Variants in ALMS1 observed in about 807,000 individuals in gnomAD.
ALMS1 encodes centrosome-associated protein ALMS1.
ALMS1 carries 271 observed loss-of-function variants against 352.2 expected under a neutral mutation model. The observed-to-expected ratio is 0.77, with a 90% CI of 0.70 to 0.85. The LOEUF is 0.85. Among genes scored for constraint, ALMS1 ranks in the 40% least tolerant of loss-of-function variants. The pLI is 0.00. For synonymous variants in ALMS1, 1,865 were observed against 1,761.2 expected (o/e 1.06, Z -1.48); for missense variants, 5,445 against 4,870.7 (o/e 1.12, Z -3.51).
In ALMS1 at chr2:73,448,501, G is replaced by A. The variant is rs1572931765; in HGVS notation, c.1974G>A (p.Lys658=). The change falls in exon 8 of 23, where the codon AAG becomes AAA. Residue 658 remains lysine, a synonymous_variant. Transcript: ENST00000613296. ...CTGCTCCTGGCCCAGTGGAGCAGAA[G>A]ACGGGAATACCTACAGTATCCTCTA... ...VSAAPGPVEQ[K]TGIPTVSSTS... 1.2e-6 allele frequency: 2 copies of A among 1,613,990 alleles called. No homozygotes were observed. Among genetic ancestry groups the A allele is most frequent in the Non-Finnish European group, 1.7e-6 (2 of 1,179,942 alleles).
chr2:73,592,026 G>C (rs931272631), intron 16 of ALMS1, among the ~76,000 whole-genome samples: 28 of 152,066 alleles, frequency 1.8e-4, no homozygotes, highest in African/African-American at 6.5e-4. Context: ...TAGTTGTAAT[G>C]ATCATTGACT....
chr2:73,596,108 A>G (rs1675541008), intron 16 of ALMS1, among the ~76,000 whole-genome samples: 1 of 152,228 alleles, frequency 6.6e-6, no homozygotes, highest in Non-Finnish European at 1.5e-5. Flanking sequence ...TACAGTAATG[A>G]TGAAGTCCCA....
At chr2:73,481,355 T>C (rs1342396087) in intron 9 of ALMS1, among the ~76,000 whole-genome samples, 3 of 152,164 alleles carry the variant, frequency 2.0e-5, no homozygotes, top group African/African-American at 7.2e-5. Flanking sequence ...ATTGCTTGTT[T>C]TTCTCAGGTT....
rs1573045480 is a variant in ALMS1, at chr2:73,591,029, CA to C, written c.11548-8369del. ...CTTGCTATGTTGCCCAGGCTGATCTCAAACTCCTGGCCTCAACCAATCTTCC... is the reference window on the plus strand; with the variant it reads ...CTTGCTATGTTGCCCAGGCTGATCTCAACTCCTGGCCTCAACCAATCTTCC... On this transcript the variant is annotated intron_variant, in intron 16 of 22. Coordinates refer to ENST00000613296, the MANE Select transcript of ALMS1 (RefSeq NM_001378454.1). Among the ~76,000 whole-genome samples, 3 of 152,114 alleles carry C rather than the reference CA, an allele frequency of 2.0e-5. No individual in the cohort carries two copies. The East Asian group carries it at 5.8e-4, about 29-fold the overall frequency.
At position 73,450,029 on chromosome 2, in the gene ALMS1, G is replaced by T; in HGVS notation, c.3502G>T (p.Ala1168Ser). ...GCCAGGTACTCATATACCTGAAGAG[G>T]CTCAGAAAGTTTCAGCTGTTACTGG... ...ALPGTHIPEE[A>S]QKVSAVTGPG... The change falls in exon 8 of 23, where the codon GCT becomes TCT. Residue 1168 changes from alanine (A) to serine (S), a missense_variant. Coordinates refer to ENST00000613296, the MANE Select transcript of ALMS1 (RefSeq NM_001378454.1). 6.2e-7 allele frequency: 1 copy of T among 1,613,722 alleles called. No homozygotes were observed. Among genetic ancestry groups the T allele is most frequent in the African/African-American group, 1.3e-5 (1 of 74,882 alleles).
At position 73,448,281 on chromosome 2, in the gene ALMS1, A is replaced by T. The variant is rs749303703; in HGVS notation, c.1754A>T (p.Tyr585Phe). The change falls in exon 8 of 23, where the codon TAC (tyrosine) becomes TTC (phenylalanine). Residue 585 changes from tyrosine (Y) to phenylalanine (F), a missense_variant. Coordinates refer to ENST00000613296, the MANE Select transcript of ALMS1 (RefSeq NM_001378454.1). Reference sequence around the variant, plus strand: ...CATAGGGGGAAGCCCAGCATTTTCTACCAGCAGGGCTTGCCAGACAGTCAT... The same window carrying T: ...CATAGGGGGAAGCCCAGCATTTTCTTCCAGCAGGGCTTGCCAGACAGTCAT... ...HSHRGKPSIFYQQGLPDSHLT... is the reference protein window; with the variant it reads ...HSHRGKPSIFFQQGLPDSHLT... The T allele has an allele frequency of 6.2e-7, 1 of 1,613,970 alleles. No individual in the cohort carries two copies. The highest frequency in any genetic ancestry group is 1.1e-5 in the South Asian group (1 of 91,072).
chr2:73,404,927 T>C (rs901989809), intron 1 of ALMS1, among the ~76,000 whole-genome samples: 7 of 135,036 alleles, frequency 5.2e-5, no homozygotes, highest in African/African-American at 2.1e-4. Flanking sequence ...TTTTTTTTTT[T>C]TTGAGACAGG....
chr2:73,559,700 A>G (rs1412669280), intron 15 of ALMS1, among the ~76,000 whole-genome samples: 1 of 152,192 alleles, frequency 6.6e-6, no homozygotes, highest in Non-Finnish European at 1.5e-5. Flanking sequence ...GATTTTGGAA[A>G]TAGTCTGGGT....
chr2:73,564,021 G>T (rs1327640916), intron 15 of ALMS1, among the ~76,000 whole-genome samples: 1 of 151,674 alleles, frequency 6.6e-6, no homozygotes, highest in Non-Finnish European at 1.5e-5. Flanking sequence ...AAGTAATGAG[G>T]TTGATGTGGG....
At chr2:73,482,946 G>T (rs1466838093) in intron 9 of ALMS1, among the ~76,000 whole-genome samples, 1 of 152,184 alleles carries the variant, frequency 6.6e-6, no homozygotes, top group Non-Finnish European at 1.5e-5. Context: ...ATTTTTAATT[G>T]TGTCTATTTG....
chr2:73,529,580 G>C (rs1284495473), intron 11 of ALMS1, among the ~76,000 whole-genome samples: 1 of 152,112 alleles, frequency 6.6e-6, no homozygotes, highest in Non-Finnish European at 1.5e-5. Flanking sequence ...GAATTCAAAG[G>C]GAGTTGGGTG....
intron 1 of ALMS1, among the ~76,000 whole-genome samples, chr2:73,390,177 A>G (rs1204496595): frequency 6.6e-6 from 1 of 152,226 alleles, no homozygotes; most frequent in Non-Finnish European, 1.5e-5. Context: ...CAATGATACA[A>G]GGAGTGTTCA....
intron 3 of ALMS1, among the ~76,000 whole-genome samples, chr2:73,421,600 T>C (rs1187654136): frequency 6.6e-6 from 1 of 152,178 alleles, no homozygotes; most frequent in African/African-American, 2.4e-5. Flanking sequence ...TGAGTACCTT[T>C]TAAGTGTAGC....
At chr2:73,472,871 G>A (rs961573547) in intron 9 of ALMS1, among the ~76,000 whole-genome samples, 5 of 152,038 alleles carry the variant, frequency 3.3e-5, no homozygotes, top group Non-Finnish European at 7.4e-5. Flanking sequence ...GCTTTCCTGG[G>A]ACTGGGGTGG....
intron 16 of ALMS1, among the ~76,000 whole-genome samples, chr2:73,585,804 C>T (rs774559636): frequency 6.6e-5 from 10 of 151,242 alleles, no homozygotes; most frequent in Non-Finnish European, 8.8e-5. Flanking sequence ...TCTCCACTCA[C>T]TGCAACCACT....
At chr2:73,394,990 G>GTA (rs569486570) in intron 1 of ALMS1, among the ~76,000 whole-genome samples, 17 of 126,106 alleles carry the variant, frequency 1.3e-4, no homozygotes, top group East Asian at 2.1e-4. Context: ...ATATATATGT[G>GTA]TATATATATA....
chr2:73,552,674 T>C (rs1247107411), intron 13 of ALMS1, among the ~76,000 whole-genome samples: 2 of 152,216 alleles, frequency 1.3e-5, no homozygotes, highest in Non-Finnish European at 2.9e-5. Flanking sequence ...TCCTCCTGGC[T>C]TAGTCCTTAG....
chr2:73,576,081 T>C (rs1675048677), intron 16 of ALMS1, among the ~76,000 whole-genome samples: 1 of 152,198 alleles, frequency 6.6e-6, no homozygotes, highest in African/African-American at 2.4e-5. Context: ...AGACTTTTTT[T>C]CCCCATTGAA....
intron 11 of ALMS1, among the ~76,000 whole-genome samples, chr2:73,523,335 C>T (rs922511559): frequency 2.0e-5 from 3 of 152,178 alleles, no homozygotes; most frequent in African/African-American, 7.2e-5. Context: ...AGGCATCAAC[C>T]TTTTGTCTCA....
Sources: allele counts gnomAD v4.1 joint callset (sites outside exome capture counted in the v4.1 genomes callset), GRCh38; gene constraint gnomAD v4.1.1; transcripts MANE v1.5; gene names NCBI Gene and HGNC (gene_info 2026-07-23, HGNC 2026-07-21).